UQCC1: variants seen among roughly 807,000 people sequenced by gnomAD.
UQCC1 encodes bFGF-repressed Zic-binding protein.
In UQCC1, 38 loss-of-function variants were observed where a neutral mutation model predicts 48.0. That is an observed-to-expected ratio of 0.79 (90% CI 0.61 to 1.04). The LOEUF is 1.04. Among genes scored for constraint, UQCC1 ranks in the 50% least tolerant of loss-of-function variants. The probability of loss-of-function intolerance (pLI) is 0.00; values close to 1 mark genes in which losing one functional copy is unlikely to be tolerated. For missense variants in UQCC1, 368 were observed against 381.8 expected (o/e 0.96, Z 0.30); for synonymous variants, 111 against 129.2 (o/e 0.86, Z 0.95).
At chr20:35,368,344 C>T (rs2061692572) in intron 5 of UQCC1, among the ~76,000 whole-genome samples, 1 of 152,134 alleles carries the variant, frequency 6.6e-6, no homozygotes, top group Non-Finnish European at 1.5e-5. Context: ...TGAATCCTCC[C>T]AATAACCCTG....
intron 7 of UQCC1, among the ~76,000 whole-genome samples, chr20:35,318,956 A>AG (rs2061093123): frequency 6.6e-6 from 1 of 152,158 alleles, no homozygotes; most frequent in Non-Finnish European, 1.5e-5. Context: ...GCCCATGACT[A>AG]CACAGCTGCA....
At chr20:35,316,630 C>T (rs898945129) in intron 7 of UQCC1, among the ~76,000 whole-genome samples, 3 of 152,094 alleles carry the variant, frequency 2.0e-5, no homozygotes, top group Non-Finnish European at 4.4e-5. Flanking sequence ...AGCAAGTCAA[C>T]CTGAGTCCAT....
intron 7 of UQCC1, among the ~76,000 whole-genome samples, chr20:35,338,856 GAAAAAAAAAAAAA>G (rs1172467457): frequency 1.5e-3 from 41 of 26,846 alleles, no homozygotes; most frequent in African/African-American, 2.3e-3. Context: ...CGTCTCAAAA[GAAAAAAAAAAAAA>G]AAAAAAAAAA....
At chr20:35,330,593 G>A (rs1001831721) in intron 7 of UQCC1, among the ~76,000 whole-genome samples, 1 of 152,140 alleles carries the variant, frequency 6.6e-6, no homozygotes, top group Non-Finnish European at 1.5e-5. Flanking sequence ...TTCATCAGAC[G>A]AGATACCCCT....
chr20:35,382,255 C>T (rs1326522647), intron 3 of UQCC1, among the ~76,000 whole-genome samples: 1 of 151,658 alleles, frequency 6.6e-6, no homozygotes, highest in East Asian at 2.0e-4. Flanking sequence ...TACAGGTGCA[C>T]GCCATCACGC....
At chr20:35,404,163 C>T (rs531333479) in intron 1 of UQCC1, among the ~76,000 whole-genome samples, 8 of 152,068 alleles carry the variant, frequency 5.3e-5, no homozygotes, top group South Asian at 2.1e-4. Flanking sequence ...GGGCGGATCA[C>T]GAGGTCAGGA....
chr20:35,341,136 G>A lies in UQCC1; in HGVS notation c.573+6028C>T, dbSNP rs570421807. On this transcript the variant is annotated intron_variant, in intron 7 of 9. Coordinates refer to ENST00000374385, the MANE Select transcript of UQCC1 (RefSeq NM_018244.5). ...CTCAGGAGGCTGAGGCAGAAGAATC[G>A]CTGGAACCCAGGAGGCAGAGGTTGC... Among the ~76,000 whole-genome samples, 315 of 150,582 alleles carry A rather than the reference G, an allele frequency of 2.1e-3. 2 individuals are homozygous for A. Among genetic ancestry groups the A allele is most frequent in the Non-Finnish European group, 2.7e-3 (185 of 67,780 alleles).
At chr20:35,373,803 A>AGTTT (rs1175999484) in intron 5 of UQCC1, among the ~76,000 whole-genome samples, 13 of 152,154 alleles carry the variant, frequency 8.5e-5, no homozygotes, top group African/African-American at 3.1e-4. Flanking sequence ...GTCAAAGTAC[A>AGTTT]GTTTGTTTGT....
intron 8 of UQCC1, among the ~76,000 whole-genome samples, chr20:35,310,514 C>T (rs1353691142): frequency 3.3e-5 from 5 of 151,328 alleles, no homozygotes; most frequent in Admixed American, 1.3e-4. Context: ...AGCATGGTGG[C>T]GCCTGCCTCT....
At chr20:35,376,124 A>G (rs1406011273) in intron 4 of UQCC1, among the ~76,000 whole-genome samples, 3 of 151,694 alleles carry the variant, frequency 2.0e-5, no homozygotes, top group East Asian at 2.0e-4. Flanking sequence ...CCTGGCCAAC[A>G]TGGTGAAACC....
chr20:35,343,423 T>C (rs1600909730), intron 7 of UQCC1, among the ~76,000 whole-genome samples: 1 of 152,198 alleles, frequency 6.6e-6, no homozygotes. Flanking sequence ...GTCCCATTTA[T>C]AGGTTGTACA....
chr20:35,399,237 C>G (rs1049226771), intron 1 of UQCC1, among the ~76,000 whole-genome samples: 1 of 152,220 alleles, frequency 6.6e-6, no homozygotes, highest in African/African-American at 2.4e-5. Context: ...CCCTGCTTTC[C>G]CCAGCAAACT....
chr20:35,387,072 T>C (rs1343065231), intron 2 of UQCC1, among the ~76,000 whole-genome samples: 1 of 151,138 alleles, frequency 6.6e-6, no homozygotes, highest in African/African-American at 2.4e-5. Flanking sequence ...AGTCCAGGAG[T>C]TAGAGACCAG....
intron 1 of UQCC1, among the ~76,000 whole-genome samples, chr20:35,396,676 G>A (rs993826624): frequency 6.6e-6 from 1 of 152,110 alleles, no homozygotes; most frequent in African/African-American, 2.4e-5. Context: ...TGAGATTCAC[G>A]TTTTCCCTCT....
chr20:35,411,848 C>T, intron 1 of UQCC1, 92 bp downstream of exon 1: 3 of 1,561,964 alleles, frequency 1.9e-6, no homozygotes, highest in Non-Finnish European at 2.6e-6. Context: ...AGGCTTCCCT[C>T]CTGCGATTCC....
At chr20:35,335,788 T>C (rs1419484067) in intron 7 of UQCC1, among the ~76,000 whole-genome samples, 2 of 152,166 alleles carry the variant, frequency 1.3e-5, no homozygotes, top group African/African-American at 4.8e-5. Context: ...CAAATTTACA[T>C]GTTATGGGAT....
chr20:35,358,120 G>A (rs1322492803), intron 6 of UQCC1, among the ~76,000 whole-genome samples: 4 of 152,062 alleles, frequency 2.6e-5, no homozygotes, highest in African/African-American at 7.2e-5. Flanking sequence ...TTGGGAGGCC[G>A]AGGAGGGTGG....
chr20:35,316,742 C>A (rs1461635434), intron 7 of UQCC1, among the ~76,000 whole-genome samples: 1 of 150,466 alleles, frequency 6.6e-6, no homozygotes, highest in African/African-American at 2.4e-5. Flanking sequence ...GGGTTCACAG[C>A]ATTCTCCTGC....
chr20:35,343,280 T>C (rs1281907954), intron 7 of UQCC1, among the ~76,000 whole-genome samples: 1 of 152,184 alleles, frequency 6.6e-6, no homozygotes, highest in Admixed American at 6.6e-5. Context: ...GGGGCTCATG[T>C]AGTTAGGCCT....
Sources: allele counts gnomAD v4.1 joint callset (sites outside exome capture counted in the v4.1 genomes callset), GRCh38; gene constraint gnomAD v4.1.1; transcripts MANE v1.5; gene names NCBI Gene and HGNC (gene_info 2026-07-23, HGNC 2026-07-21).